Variants in KLHDC4 observed in about 807,000 individuals in gnomAD.
The protein encoded by KLHDC4 is kelch domain containing 4, also known as kelch domain-containing protein 4.
Under a neutral mutation model 62.4 loss-of-function variants are expected in KLHDC4, and 90 were observed. That is an observed-to-expected ratio of 1.44 (90% confidence interval 1.22 to 1.72). The LOEUF is 1.72. Ranked by LOEUF, KLHDC4 falls within the 40% of genes most tolerant of loss-of-function variation. The pLI, the probability that KLHDC4 is intolerant of heterozygous loss-of-function variation, is 0.00. For missense variants in KLHDC4, 1,025 were observed against 699.7 expected (o/e 1.47, Z -5.25); for synonymous variants, 386 against 284.4 (o/e 1.36, Z -3.59).
rs193302581 is a variant in KLHDC4, at chr16:87,756,109, G to A, written c.270+290C>T. The A allele has an allele frequency of 5.2e-3, 1,362 of 261,530 alleles. 6 individuals are homozygous for A. Among genetic ancestry groups the A allele is most frequent in the Non-Finnish European group, 8.6e-3 (1,140 of 132,950 alleles). 16.2% of individuals were successfully genotyped at this position (261,530 alleles called of 1,614,324 possible). On this transcript the variant is annotated intron_variant, in intron 3 of 11. Transcript: ENST00000270583. ...AAACCTGGAAACCCGCTGGGAGGAA[G>A]AACAGCACAGACAACCACAAAGAGG...
chr16:87,709,590 C>G lies in KLHDC4; in HGVS notation c.1122G>C (p.Gly374=). 1.2e-6 allele frequency: 2 copies of G among 1,612,908 alleles called. No homozygotes were observed. The highest frequency in any genetic ancestry group is 1.7e-6 in the Non-Finnish European group (2 of 1,179,810). The change falls in exon 10 of 12, where the codon GGG becomes GGC. Residue 374 remains glycine, a synonymous_variant. Coordinates refer to ENST00000270583, the MANE Select transcript of KLHDC4 (RefSeq NM_017566.4). ...EPEGGSRPAC[G]GAGTQGPVQL... Reference sequence around the variant, plus strand: ...GCACAGGCCCCTGGGTGCCAGCTCCCCCACACGCCGGCCTGCTACCACCTT... The same window carrying G: ...GCACAGGCCCCTGGGTGCCAGCTCCGCCACACGCCGGCCTGCTACCACCTT...
chr16:87,700,547 AAGAGGGC>A (rs2034089267), exon 1 of KLHDC4: 1 of 123,432 alleles, frequency 8.1e-6, no homozygotes, highest in Admixed American at 1.1e-4. Context: ...AGGGCAGAAG[AAGAGGGC>A]AGAGGGAAGA....
intron 1 of KLHDC4, among the ~76,000 whole-genome samples, chr16:87,762,429 T>C (rs2046024564): frequency 6.6e-6 from 1 of 152,184 alleles, no homozygotes; most frequent in Non-Finnish European, 1.5e-5. Flanking sequence ...AACTTCCACT[T>C]AGACAAGCCC....
rs147543225 is a variant in KLHDC4 at position 87,761,570 on chromosome 16, G to A, written c.191+379C>T. ...AAACTTTTCACATGAGAATTTGAAAGCATTACAAACACATCAAAAGGCCAC... is the reference window on the plus strand; with the variant it reads ...AAACTTTTCACATGAGAATTTGAAAACATTACAAACACATCAAAAGGCCAC... On this transcript the variant is annotated intron_variant, in intron 2 of 11. Transcript: ENST00000270583. Among the ~76,000 whole-genome samples the A allele has an allele frequency of 2.1e-3, 318 of 152,294 alleles. 1 individual carries two copies. Among genetic ancestry groups the A allele is most frequent in the East Asian group, 6.4e-3 (33 of 5,196 alleles).
In KLHDC4 at chr16:87,737,827, G is replaced by C. The variant is rs938965227; in HGVS notation, c.507-7183C>G. 2.0e-5 allele frequency among the ~76,000 whole-genome samples: 3 copies of C among 151,998 alleles called. No individual in the cohort carries two copies. The East Asian group carries it at 5.8e-4, about 29-fold the overall frequency. The stretch of plus-strand genomic sequence containing the variant: ...GATGGTCTTGAACTCCTGACCTCAG[G>C]TGATCCGCCTGCCTCGGCCTCCCAA... On this transcript the variant is annotated intron_variant, in intron 5 of 11. Transcript: ENST00000270583.
chr16:87,717,258 T>C (rs944667648), intron 7 of KLHDC4, among the ~76,000 whole-genome samples: 1 of 152,198 alleles, frequency 6.6e-6, no homozygotes, highest in Non-Finnish European at 1.5e-5. Context: ...AGACCAAGAT[T>C]TGGGCAATGG....
intron 6 of KLHDC4, among the ~76,000 whole-genome samples, chr16:87,728,396 GATAA>G (rs1207505072): frequency 4.6e-5 from 7 of 152,148 alleles, no homozygotes; most frequent in African/African-American, 1.7e-4. Flanking sequence ...TTGCACGTAA[GATAA>G]ATACAGAATA....
downstream of KLHDC4, among the ~76,000 whole-genome samples, chr16:87,707,510 CG>C (rs950119735): frequency 1.4e-4 from 21 of 152,208 alleles, no homozygotes; most frequent in African/African-American, 4.8e-4. Context: ...GAATGAGAAC[CG>C]GGAAGGTGTG....
At chr16:87,730,912 T>C in intron 5 of KLHDC4, 1 of 319,696 alleles carries the variant, frequency 3.1e-6, no homozygotes. Flanking sequence ...GGTAGAACAT[T>C]ATAAACTGGA....
chr16:87,741,119 A>G (rs775912798), intron 5 of KLHDC4, among the ~76,000 whole-genome samples: 19 of 152,188 alleles, frequency 1.2e-4, no homozygotes, highest in Non-Finnish European at 2.4e-4. Context: ...AAGATGAGGG[A>G]CTGTTACAAA....
chr16:87,757,474 A>C (rs2045157504), intron 2 of KLHDC4: 1 of 152,052 alleles, frequency 6.6e-6, no homozygotes, highest in Non-Finnish European at 1.5e-5. Context: ...CTGAAAAAAA[A>C]AAAAAAAAGT....
intron 3 of KLHDC4, 104 bp downstream of exon 3, chr16:87,756,295 G>A: frequency 1.2e-6 from 1 of 833,450 alleles, no homozygotes; most frequent in Non-Finnish European, 2.0e-6. Flanking sequence ...GTGATACAAG[G>A]GGTGAAGGGG....
In KLHDC4 at chr16:87,712,219, G is replaced by A. The variant is rs117683724; in HGVS notation, c.836-776C>T. Among the ~76,000 whole-genome samples the A allele has an allele frequency of 1.3e-3, 195 of 152,282 alleles. 1 individual carries two copies. The East Asian group carries it at 0.019, about 15-fold the overall frequency. ...ACCCTCAAACAGAGCCCAATGTGCA[G>A]ATGTCTCCCCACCACTTCTAGGAGA... On this transcript the variant is annotated intron_variant, in intron 8 of 11. Coordinates refer to ENST00000270583, the MANE Select transcript of KLHDC4 (RefSeq NM_017566.4).
chr16:87,709,741 C>G, intron 9 of KLHDC4, 74 bp from the exon 10 acceptor site: 3 of 1,459,780 alleles, frequency 2.1e-6, no homozygotes, highest in Non-Finnish European at 2.7e-6. Flanking sequence ...GCCCACAAGG[C>G]CAGGCAAGGG....
intron 4 of KLHDC4, among the ~76,000 whole-genome samples, chr16:87,752,161 C>A (rs1774294575): frequency 6.8e-6 from 1 of 147,104 alleles, no homozygotes; most frequent in Non-Finnish European, 1.5e-5. Context: ...AATCCCAGCT[C>A]TCAGGGAAGC....
exon 1 of KLHDC4, chr16:87,701,536 G>A (rs919825038): frequency 2.6e-6 from 1 of 388,150 alleles, no homozygotes; most frequent in African/African-American, 2.1e-5. Flanking sequence ...ACAGGCCACA[G>A]TGTGGGCGTG....
At chr16:87,718,361 T>G (rs1330362283) in intron 7 of KLHDC4, among the ~76,000 whole-genome samples, 1 of 59,364 alleles carries the variant, frequency 1.7e-5, no homozygotes, top group African/African-American at 6.6e-5. Context: ...CCCCTCCCTC[T>G]CCCTCCACAG....
chr16:87,699,722 G>T (rs1217962966), exon 1 of KLHDC4: 1 of 152,282 alleles, frequency 6.6e-6, no homozygotes, highest in African/African-American at 2.4e-5. Flanking sequence ...ACTGTAGAAA[G>T]ACGGGCCCTC....
At chr16:87,704,307 G>A (rs941325840), downstream of KLHDC4, among the ~76,000 whole-genome samples, 10 of 141,624 alleles carry the variant, frequency 7.1e-5, no homozygotes, top group African/African-American at 1.3e-4. Context: ...TGAACCACAC[G>A]GGGAAGGAGG....
Sources: gnomAD v4.1 joint callset for allele counts (sites outside exome capture counted in the v4.1 genomes callset) on GRCh38, gnomAD v4.1.1 for gene constraint, MANE v1.5 for transcripts, NCBI Gene and HGNC (gene_info 2026-07-23, HGNC 2026-07-21) for gene names.